Variants in GRM2 observed in about 807,000 individuals in gnomAD.
The protein encoded by GRM2 is metabotropic glutamate receptor 2.
GRM2 carries 35 observed loss-of-function variants against 60.4 expected under a neutral mutation model. That is an observed-to-expected ratio of 0.58 (90% CI 0.44 to 0.77). The LOEUF is 0.77. Among genes scored for constraint, GRM2 ranks in the 30% least tolerant of loss-of-function variants. The pLI is 0.00. For synonymous variants in GRM2, 437 were observed against 484.1 expected (o/e 0.90, Z 1.28); for missense variants, 925 against 1,199.5 (o/e 0.77, Z 3.38).
At position 51,717,802 on chromosome 3, in the gene GRM2, T is replaced by TCCAG. The variant is rs1239524987; in HGVS notation, c.2533_2536dup (p.Leu846GlnfsTer19). The TCCAG allele has an allele frequency of 6.2e-7, 1 of 1,613,674 alleles. No homozygotes were observed. The highest frequency in any genetic ancestry group is 8.5e-7 in the Non-Finnish European group (1 of 1,179,870). ...TGGCAGTGCTGCTGCCAGGGCCAGC[T>TCCAG]CCAGCCTTGGCCAAGGTCAGTGTCC... On this transcript the variant is annotated frameshift_variant, in exon 5 of 6. Coordinates refer to ENST00000395052, the MANE Select transcript of GRM2 (RefSeq NM_000839.5). LOFTEE classifies it high-confidence loss of function. This position sits in a 1 kb window ranked among gnomAD's most constrained non-coding sequence, Gnocchi z 6.0.
chr3:51,716,462 G>C lies in GRM2; in HGVS notation c.2364+325G>C, dbSNP rs1488976461. Among the ~76,000 whole-genome samples the C allele has an allele frequency of 6.6e-6, 1 of 152,230 alleles. No homozygotes were observed. Among genetic ancestry groups the C allele is most frequent in the East Asian group, 1.9e-4 (1 of 5,194 alleles). On this transcript the variant is annotated intron_variant, in intron 4 of 5. Transcript: ENST00000395052. This position sits in a 1 kb window ranked among gnomAD's most constrained non-coding sequence, Gnocchi z 4.0. ...CTCCACTGAGGGGTCATCTGCAGAA[G>C]GGGTTGAGAGATGAAGCCAGGGAAG...
In GRM2 at chr3:51,715,129, C is replaced by T. The variant is rs183401488; in HGVS notation, c.1356C>T (p.Arg452=). Residue 452 remains arginine (R), a synonymous_variant, in exon 4 of 6, where the codon CGC becomes CGT. Transcript: ENST00000395052. The surrounding 1 kb of genome is among the most constrained non-coding windows in gnomAD (Gnocchi z 9.0). ...ACCGCTTTGGTGATGGTATTGGCCG[C>T]TACAACATCTTCACCTATCTGCGTG... is the stretch of plus-strand genomic sequence containing the variant. The part of the protein sequence containing the change: ...RFDRFGDGIG[R]YNIFTYLRAG... 20 of 1,610,364 alleles carry T rather than the reference C, an allele frequency of 1.2e-5. No homozygotes were observed. In the Admixed American group the frequency reaches 2.8e-4, roughly 23 times the overall value.
chr3:51,712,425 A>G lies in GRM2; in HGVS notation c.451-48A>G. The G allele has an allele frequency of 8.1e-7, 1 of 1,237,958 alleles. No homozygotes were observed. The highest frequency in any genetic ancestry group is 1.2e-6 in the Non-Finnish European group (1 of 851,592). 76.7% of individuals were successfully genotyped at this position (1,237,958 alleles called of 1,614,324 possible). A position where few individuals can be genotyped will look rare whatever the true frequency, so the allele number is the denominator to read the frequency against. ...AGCTGTGGGGGATGCACCTGTCTCT[A>G]GTGTTTGATCTGACCGCTGATCTTT... On this transcript the variant is annotated intron_variant, in intron 2 of 5. Transcript: ENST00000395052. This position sits in a 1 kb window ranked among gnomAD's most constrained non-coding sequence, Gnocchi z 5.3.
At position 51,713,272 on chromosome 3, in the gene GRM2, G is replaced by A. The variant is rs116567227; in HGVS notation, c.1250G>A (p.Arg417His). 24,346 of 1,612,366 alleles carry A rather than the reference G, an allele frequency of 0.015. 306 individuals carry two copies. Among genetic ancestry groups the A allele is most frequent in the Non-Finnish European group, 0.016 (18,446 of 1,179,586 alleles). The change falls in exon 3 of 6, where the codon CGC (arginine) becomes CAC (histidine). Residue 417 changes from arginine to histidine, a missense_variant. By Grantham distance (29) the Arg-to-His change is conservative. Coordinates refer to ENST00000395052, the MANE Select transcript of GRM2 (RefSeq NM_000839.5). This position sits in a 1 kb window ranked among gnomAD's most constrained non-coding sequence, Gnocchi z 4.8. ...CDAMRPVNGRRLYKDFVLNVK... is the reference protein window; with the variant it reads ...CDAMRPVNGRHLYKDFVLNVK... ...GCGATGCGGCCAGTTAACGGGCGCC[G>A]CCTCTACAAGGACTTTGTGCTCAAC...
rs765431473 is a variant in GRM2, at chr3:51,717,771, C to A, written c.2499C>A (p.Ser833Arg). Reference sequence around the variant, plus strand: ...TGGTTAGCCACCGGGCACCCACCAGCCGCTTTGGCAGTGCTGCTGCCAGGG... The same window carrying A: ...TGGTTAGCCACCGGGCACCCACCAGACGCTTTGGCAGTGCTGCTGCCAGGG... ...KNVVSHRAPT[S>R]RFGSAAARAS... Residue 833 changes from serine (S) to arginine (R), a missense_variant, in exon 5 of 6, where the codon AGC (serine) becomes AGA (arginine). Coordinates refer to ENST00000395052, the MANE Select transcript of GRM2 (RefSeq NM_000839.5). The surrounding 1 kb of genome is among the most constrained non-coding windows in gnomAD (Gnocchi z 6.0). 1 of 1,614,148 alleles carries A rather than the reference C, an allele frequency of 6.2e-7. No individual in the cohort carries two copies. The highest frequency in any genetic ancestry group is 8.5e-7 in the Non-Finnish European group (1 of 1,180,036).
rs1345668335 is a variant in GRM2, at chr3:51,715,556, A to G, written c.1783A>G (p.Thr595Ala). Residue 595 changes from threonine to alanine, a missense_variant, in exon 4 of 6, where the codon ACA becomes GCA. By Grantham distance (58) the Thr-to-Ala change is moderately conservative (BLOSUM62 0). Coordinates refer to ENST00000395052, the MANE Select transcript of GRM2 (RefSeq NM_000839.5). The surrounding 1 kb of genome is among the most constrained non-coding windows in gnomAD (Gnocchi z 9.0). The part of the protein sequence containing the change: ...VLGVFVRHNA[T>A]PVVKASGREL... The stretch of plus-strand genomic sequence containing the variant: ...GGGTGTCTTTGTGCGGCACAATGCC[A>G]CACCAGTGGTCAAGGCCTCAGGTCG... 1 of 1,614,002 alleles carries G rather than the reference A, an allele frequency of 6.2e-7. No homozygotes were observed. Among genetic ancestry groups the G allele is most frequent in the Non-Finnish European group, 8.5e-7 (1 of 1,180,024 alleles).
In GRM2 at chr3:51,716,157, G is replaced by C; in HGVS notation, c.2364+20G>C. On this transcript the variant is annotated intron_variant, in intron 4 of 5. Transcript: ENST00000395052. This position sits in a 1 kb window ranked among gnomAD's most constrained non-coding sequence, Gnocchi z 4.0. The stretch of plus-strand genomic sequence containing the variant: ...TACCGGGTGAGCTACCTGCCACAGA[G>C]GTCGGGGGAGATGGGACACCAGACC... The C allele has an allele frequency of 6.6e-7, 1 of 1,515,112 alleles. No homozygotes were observed. The highest frequency in any genetic ancestry group is 9.2e-7 in the Non-Finnish European group (1 of 1,090,458). The allele number at this position is 1,515,112 out of a possible 1,614,324, so 93.9% of individuals were successfully genotyped here.
chr3:51,715,767 G>C lies in GRM2; in HGVS notation c.1994G>C (p.Arg665Pro). Residue 665 changes from arginine (R) to proline (P), a missense_variant, in exon 4 of 6, where the codon CGG (arginine) becomes CCG (proline). Coordinates refer to ENST00000395052, the MANE Select transcript of GRM2 (RefSeq NM_000839.5). The surrounding 1 kb of genome is among the most constrained non-coding windows in gnomAD (Gnocchi z 9.0). ...NRIARIFGGA[R>P]EGAQRPRFIS... ...ATTGCACGCATCTTCGGTGGGGCCCGGGAGGGTGCCCAGCGGCCACGCTTC... is the reference window on the plus strand; with the variant it reads ...ATTGCACGCATCTTCGGTGGGGCCCCGGAGGGTGCCCAGCGGCCACGCTTC... 1 of 1,613,590 alleles carries C rather than the reference G, an allele frequency of 6.2e-7. No homozygotes were observed. The highest frequency in any genetic ancestry group is 8.5e-7 in the Non-Finnish European group (1 of 1,179,650).
At position 51,717,527 on chromosome 3, in the gene GRM2, A is replaced by G. The variant is rs953384445; in HGVS notation, c.2365-110A>G. On this transcript the variant is annotated intron_variant, in intron 4 of 5. Coordinates refer to ENST00000395052, the MANE Select transcript of GRM2 (RefSeq NM_000839.5). The surrounding 1 kb of genome is among the most constrained non-coding windows in gnomAD (Gnocchi z 6.0). ...GGATCCGGCAAATGGACCACAGCCC[A>G]GTGTTGGATGCTTAGTCTCCCCCAC... 2.2e-5 allele frequency: 18 copies of G among 814,618 alleles called. No individual in the cohort carries two copies. Among genetic ancestry groups the G allele is most frequent in the Non-Finnish European group, 3.4e-5 (17 of 504,992 alleles). The allele number at this position is 814,618 out of a possible 1,614,324, so 50.5% of individuals were successfully genotyped here.
chr3:51,712,664 C>T lies in GRM2; in HGVS notation c.642C>T (p.Gly214=), dbSNP rs530569899. The change falls in exon 3 of 6, where the codon GGC becomes GGT. Residue 214 remains glycine, a synonymous_variant. Coordinates refer to ENST00000395052, the MANE Select transcript of GRM2 (RefSeq NM_000839.5). The surrounding 1 kb of genome is among the most constrained non-coding windows in gnomAD (Gnocchi z 5.3). ...ATGTGTCCACTGTGGCGTCTGAGGG[C>T]GACTATGGCGAGACAGGCATTGAGG... The part of the protein sequence containing the change: ...WTYVSTVASE[G]DYGETGIEAF... 37 of 1,614,068 alleles carry T rather than the reference C, an allele frequency of 2.3e-5. No individual in the cohort carries two copies. The highest frequency in any genetic ancestry group is 1.5e-4 in the South Asian group (14 of 91,082).
chr3:51,708,917 T>C lies in GRM2; in HGVS notation c.-67T>C. On this transcript the variant is annotated 5_prime_UTR_variant, in exon 2 of 6. Coordinates refer to ENST00000395052, the MANE Select transcript of GRM2 (RefSeq NM_000839.5). ...GTCCCTGTTTCCTCCTCTCTTTGCC[T>C]TCGCTGCTTCTAATCTCATCCCCTG... The C allele has an allele frequency of 7.9e-7, 1 of 1,258,654 alleles. No homozygotes were observed. The highest frequency in any genetic ancestry group is 1.1e-6 in the Non-Finnish European group (1 of 924,618). The allele number at this position is 1,258,654 out of a possible 1,614,324, so 78.0% of individuals were successfully genotyped here.
In GRM2 at chr3:51,713,180, C is replaced by T. The variant is rs144377567; in HGVS notation, c.1158C>T (p.Tyr386=). 455 of 1,613,168 alleles carry T rather than the reference C, an allele frequency of 2.8e-4. 1 individual carries two copies. The highest frequency in any genetic ancestry group is 3.6e-4 in the Non-Finnish European group (422 of 1,180,006). The change falls in exon 3 of 6, where the codon TAC becomes TAT. Residue 386 remains tyrosine, a synonymous_variant. Coordinates refer to ENST00000395052, the MANE Select transcript of GRM2 (RefSeq NM_000839.5). This position sits in a 1 kb window ranked among gnomAD's most constrained non-coding sequence, Gnocchi z 4.8. ...TCATGTTTGTGGTCAATGCAGTGTA[C>T]GCCATGGCCCATGCGCTCCACAACA... ...SKIMFVVNAV[Y]AMAHALHNMH...
chr3:51,713,327 G>C lies in GRM2; in HGVS notation c.1288+17G>C. On this transcript the variant is annotated intron_variant, in intron 3 of 5. Transcript: ENST00000395052. This position sits in a 1 kb window ranked among gnomAD's most constrained non-coding sequence, Gnocchi z 4.8. ...AGTTTGATGGTAATGGTGTTGGCCA[G>C]TGTCCATTGGCCTGCTGGCTGTCAG... 1 of 1,515,356 alleles carries C rather than the reference G, an allele frequency of 6.6e-7. No homozygotes were observed. Among genetic ancestry groups the C allele is most frequent in the Middle Eastern group, 1.9e-4 (1 of 5,326 alleles). The allele number at this position is 1,515,356 out of a possible 1,614,324, so 93.9% of individuals were successfully genotyped here.
chr3:51,710,338 T>C (rs912614544), intron 2 of GRM2, among the ~76,000 whole-genome samples: 2 of 152,282 alleles, frequency 1.3e-5, no homozygotes, highest in Admixed American at 6.5e-5. Flanking sequence ...ATTTAATGAG[T>C]TGATAGATGC....
Position 51,717,464 on chromosome 3 carries a change from A to C in GRM2, c.2365-173A>C, listed in dbSNP as rs921948672. On this transcript the variant is annotated intron_variant, in intron 4 of 5. Transcript: ENST00000395052. The surrounding 1 kb of genome is among the most constrained non-coding windows in gnomAD (Gnocchi z 6.0). ...ACCCTGGGAAAATGGTCTGGGTCTG[A>C]TGCTGGGACTGTGCCCAATTTTCCT... Among the ~76,000 whole-genome samples the C allele has an allele frequency of 2.0e-5, 3 of 152,094 alleles. No homozygotes were observed. Among genetic ancestry groups the C allele is most frequent in the African/African-American group, 7.2e-5 (3 of 41,412 alleles).
In GRM2 at chr3:51,713,361, G is replaced by A; in HGVS notation, c.1288+51G>A. On this transcript the variant is annotated intron_variant, in intron 3 of 5. Coordinates refer to ENST00000395052, the MANE Select transcript of GRM2 (RefSeq NM_000839.5). The surrounding 1 kb of genome is among the most constrained non-coding windows in gnomAD (Gnocchi z 4.8). The stretch of plus-strand genomic sequence containing the variant: ...GGCCTGCTGGCTGTCAGAGGATGAG[G>A]GGAAGCAGAACTTCAGCTTCCATTC... 1 of 1,248,542 alleles carries A rather than the reference G, an allele frequency of 8.0e-7. No homozygotes were observed. The highest frequency in any genetic ancestry group is 1.1e-6 in the Non-Finnish European group (1 of 882,606). The allele number at this position is 1,248,542 out of a possible 1,614,324, so 77.3% of individuals were successfully genotyped here.
In GRM2 at chr3:51,717,641, A is replaced by G; in HGVS notation, c.2369A>G (p.Gln790Arg). ...FYVTSSDYRV[Q>R]TTTMCVSVSL... ...TCACCCACTCACCCACCGCAGGTAC[A>G]GACCACCACCATGTGCGTGTCAGTC... The change falls in exon 5 of 6, where the codon CAG becomes CGG. Residue 790 changes from glutamine to arginine, a missense_variant. By Grantham distance (43) the Gln-to-Arg change is conservative. Transcript: ENST00000395052. This position sits in a 1 kb window ranked among gnomAD's most constrained non-coding sequence, Gnocchi z 6.0. 6.2e-7 allele frequency: 1 copy of G among 1,613,064 alleles called. No individual in the cohort carries two copies. The highest frequency in any genetic ancestry group is 1.1e-5 in the South Asian group (1 of 91,004).
chr3:51,713,359 A>C lies in GRM2; in HGVS notation c.1288+49A>C, dbSNP rs1270627028. Reference sequence around the variant, plus strand: ...TTGGCCTGCTGGCTGTCAGAGGATGAGGGGAAGCAGAACTTCAGCTTCCAT... The same window carrying C: ...TTGGCCTGCTGGCTGTCAGAGGATGCGGGGAAGCAGAACTTCAGCTTCCAT... On this transcript the variant is annotated intron_variant, in intron 3 of 5. Transcript: ENST00000395052. This position sits in a 1 kb window ranked among gnomAD's most constrained non-coding sequence, Gnocchi z 4.8. 1 of 1,257,328 alleles carries C rather than the reference A, an allele frequency of 8.0e-7. No homozygotes were observed. The highest frequency in any genetic ancestry group is 1.1e-6 in the Non-Finnish European group (1 of 890,082). 77.9% of individuals were successfully genotyped at this position (1,257,328 alleles called of 1,614,324 possible). A position where few individuals can be genotyped will look rare whatever the true frequency, so the allele number is the denominator to read the frequency against.
In GRM2 at chr3:51,716,238, T is replaced by A. The variant is rs965030470; in HGVS notation, c.2364+101T>A. 1.9e-5 allele frequency: 15 copies of A among 787,338 alleles called. No homozygotes were observed. Among genetic ancestry groups the A allele is most frequent in the Non-Finnish European group, 3.1e-5 (15 of 478,998 alleles). 48.8% of individuals were successfully genotyped at this position (787,338 alleles called of 1,614,324 possible). Reference sequence around the variant, plus strand: ...TGGTAGCTCTGGGGTTCCAAGAGGATAATGCCCACTCAGGGGACCACAGCT... The same window carrying A: ...TGGTAGCTCTGGGGTTCCAAGAGGAAAATGCCCACTCAGGGGACCACAGCT... On this transcript the variant is annotated intron_variant, in intron 4 of 5. Transcript: ENST00000395052. This position sits in a 1 kb window ranked among gnomAD's most constrained non-coding sequence, Gnocchi z 4.0.
Sources: gnomAD v4.1 joint callset for allele counts (sites outside exome capture counted in the v4.1 genomes callset) on GRCh38, gnomAD v4.1.1 for gene constraint, Gnocchi (gnomAD v3.1) non-coding constraint, MANE v1.5 for transcripts, NCBI Gene and HGNC (gene_info 2026-07-23, HGNC 2026-07-21) for gene names.